ZNF525: variants seen among roughly 807,000 people sequenced by gnomAD.
The protein encoded by ZNF525 is zinc finger protein 525.
A neutral mutation model predicts 37.6 loss-of-function variants in ZNF525; 33 were observed. The observed-to-expected ratio is 0.88, with a 90% CI of 0.67 to 1.17. The LOEUF (loss-of-function observed/expected upper bound fraction) is 1.17, where lower values mean the gene tolerates loss of function less well. ZNF525 is among the 50% of genes most tolerant of loss of function. ZNF525 has a pLI of 0.00. For synonymous variants in ZNF525, 170 were observed against 182.3 expected, an observed-to-expected ratio of 0.93 and a Z score of 0.54; for missense variants, 449 against 543.1, an observed-to-expected ratio of 0.83 and a Z score of 1.72.
intron 1 of ZNF525, among the ~76,000 whole-genome samples, chr19:53,370,021 G>T (rs981734321): frequency 6.6e-6 from 1 of 151,372 alleles, no homozygotes; most frequent in Non-Finnish European, 1.5e-5. Flanking sequence ...ACCGCGCCCG[G>T]CCAAGAAGTT....
chr19:53,376,523 T>C (rs1403735399), intron 3 of ZNF525: 1 of 579,032 alleles, frequency 1.7e-6, no homozygotes, highest in Non-Finnish European at 3.0e-6. Context: ...TTCCTGCTTA[T>C]TGTGTTTAAT....
chr19:53,371,939 G>A (rs1181657814), intron 1 of ZNF525, among the ~76,000 whole-genome samples: 1 of 152,154 alleles, frequency 6.6e-6, no homozygotes, highest in East Asian at 1.9e-4. Flanking sequence ...GTGAGCCACT[G>A]CACCCAGCCT....
intron 3 of ZNF525, among the ~76,000 whole-genome samples, chr19:53,376,800 G>A (rs566367635): frequency 5.0e-4 from 76 of 152,212 alleles, no homozygotes; most frequent in Middle Eastern, 6.8e-3. Flanking sequence ...GTGAAACTCC[G>A]TCTCTACTAA....
intron 3 of ZNF525, among the ~76,000 whole-genome samples, chr19:53,378,327 C>T (rs148878127): frequency 6.6e-6 from 1 of 152,112 alleles, no homozygotes; most frequent in Non-Finnish European, 1.5e-5. Flanking sequence ...CGTGGTGGCA[C>T]ATGGCTGTTA....
Position 53,384,203 on chromosome 19 carries a change from G to T in ZNF525, c.*2184G>T. On this transcript the variant is annotated 3_prime_UTR_variant, in exon 4 of 4. Coordinates refer to ENST00000474037, the MANE Select transcript of ZNF525 (RefSeq NM_001348156.2). ...AAAGTGTTTATGTTAAGAGGACTGGGCTGTGTGGCATGGCTCACGCCTGTA... is the reference window on the plus strand; with the variant it reads ...AAAGTGTTTATGTTAAGAGGACTGGTCTGTGTGGCATGGCTCACGCCTGTA... 1 of 348,222 alleles carries T rather than the reference G, an allele frequency of 2.9e-6. No homozygotes were observed. 21.6% of individuals were successfully genotyped at this position (348,222 alleles called of 1,614,324 possible). A position where few individuals can be genotyped will look rare whatever the true frequency, so the allele number is the denominator to read the frequency against.
At position 53,383,327 on chromosome 19, in the gene ZNF525, A is replaced by G; in HGVS notation, c.*1308A>G. ...TACTGGAGAGAAACAAGCGTAATGA[A>G]TGTGGCGAGGTTTTCAATCAACAAG... On this transcript the variant is annotated 3_prime_UTR_variant, in exon 4 of 4. Transcript: ENST00000474037. 1 of 1,361,080 alleles carries G rather than the reference A, an allele frequency of 7.3e-7. No individual in the cohort carries two copies. Among genetic ancestry groups the G allele is most frequent in the Non-Finnish European group, 1.0e-6 (1 of 988,488 alleles). 84.3% of individuals were successfully genotyped at this position (1,361,080 alleles called of 1,614,324 possible). A position where few individuals can be genotyped will look rare whatever the true frequency, so the allele number is the denominator to read the frequency against.
Position 53,385,699 on chromosome 19 carries a change from C to G in ZNF525, c.*3680C>G, listed in dbSNP as rs1488550212. The G allele has an allele frequency of 6.5e-6, 1 of 154,476 alleles. No homozygotes were observed. The highest frequency in any genetic ancestry group is 2.4e-5 in the African/African-American group (1 of 41,418). The allele number at this position is 154,476 out of a possible 1,614,324, so 9.6% of individuals were successfully genotyped here. On this transcript the variant is annotated 3_prime_UTR_variant, in exon 4 of 4. Coordinates refer to ENST00000474037, the MANE Select transcript of ZNF525 (RefSeq NM_001348156.2). ...GAGATACTGTCTTAAAAAAAGAATA[C>G]TTGTGGTAACGTTTGGGTAGAGGAA...
Position 53,381,591 on chromosome 19 carries a change from C to T in ZNF525, c.1012C>T (p.Gln338Ter), listed in dbSNP as rs748390246. 7 of 1,127,602 alleles carry T rather than the reference C, an allele frequency of 6.2e-6. No homozygotes were observed. The highest frequency in any genetic ancestry group is 1.5e-5 in the African/African-American group (1 of 65,854). The allele number at this position is 1,127,602 out of a possible 1,614,324, so 69.8% of individuals were successfully genotyped here. A position where few individuals can be genotyped will look rare whatever the true frequency, so the allele number is the denominator to read the frequency against. The change falls in exon 4 of 4, where the codon CAG becomes TAG. Residue 338 changes from glutamine (Q) to a stop codon, truncating the protein, a stop_gained. Coordinates refer to ENST00000474037, the MANE Select transcript of ZNF525 (RefSeq NM_001348156.2). LOFTEE classifies it high-confidence loss of function. ...TAATGAGTGTGGCAAGACCTTTAGT[C>T]AGAAGTCATACCTTGCATGCCATCG... ...KCNECGKTFS[Q>*]KSYLACHRSI...
chr19:53,382,896 C>A lies in ZNF525; in HGVS notation c.*877C>A. On this transcript the variant is annotated 3_prime_UTR_variant, in exon 4 of 4. Coordinates refer to ENST00000474037, the MANE Select transcript of ZNF525 (RefSeq NM_001348156.2). Reference sequence around the variant, plus strand: ...AGGAGAATTCATACTAGAGAGAAACCTTACAAGTGTAATGAGTGTGGTAAG... The same window carrying A: ...AGGAGAATTCATACTAGAGAGAAACATTACAAGTGTAATGAGTGTGGTAAG... 3 of 1,433,298 alleles carry A rather than the reference C, an allele frequency of 2.1e-6. No individual in the cohort carries two copies. In the South Asian group the frequency reaches 3.4e-5, roughly 16 times the overall value. 88.8% of individuals were successfully genotyped at this position (1,433,298 alleles called of 1,614,324 possible). A position where few individuals can be genotyped will look rare whatever the true frequency, so the allele number is the denominator to read the frequency against.
intron 3 of ZNF525, chr19:53,376,437 ATTTC>A (rs1287152167): frequency 1.7e-6 from 1 of 590,536 alleles, no homozygotes; most frequent in Non-Finnish European, 3.0e-6. Context: ...TATTATCTGT[ATTTC>A]TTGATTTTTT....
Position 53,383,908 on chromosome 19 carries a change from T to C in ZNF525, c.*1889T>C. The C allele has an allele frequency of 1.5e-6, 1 of 657,026 alleles. No individual in the cohort carries two copies. The highest frequency in any genetic ancestry group is 2.8e-6 in the Non-Finnish European group (1 of 360,328). 40.7% of individuals were successfully genotyped at this position (657,026 alleles called of 1,614,324 possible). On this transcript the variant is annotated 3_prime_UTR_variant, in exon 4 of 4. Transcript: ENST00000474037. ...CAGGAGAGAAACCTCACAAGTGTGATGATCGTGGCAAAGCCTTTACTTCAC... is the reference window on the plus strand; with the variant it reads ...CAGGAGAGAAACCTCACAAGTGTGACGATCGTGGCAAAGCCTTTACTTCAC...
chr19:53,375,811 G>A lies in ZNF525; in HGVS notation c.57G>A (p.Gln19=). 1 of 1,613,924 alleles carries A rather than the reference G, an allele frequency of 6.2e-7. No individual in the cohort carries two copies. The highest frequency in any genetic ancestry group is 1.1e-5 in the South Asian group (1 of 91,082). The change falls in exon 3 of 4, where the codon CAG becomes CAA. Residue 19 remains glutamine (Q), a synonymous_variant. Transcript: ENST00000474037. ...GGGATGTGGCCATAGAATTCTCTCA[G>A]GAGGAGTGGAAATGCCTGGACCCTG... is the stretch of plus-strand genomic sequence containing the variant. ...TFRDVAIEFS[Q]EEWKCLDPAQ...
rs750332995 is a variant in ZNF525, at chr19:53,381,428, G to A, written c.849G>A (p.Met283Ile). Residue 283 changes from methionine (M) to isoleucine (I), a missense_variant, in exon 4 of 4, where the codon ATG becomes ATA. Met to Ile is a conservative substitution (Grantham distance 10, BLOSUM62 1). Transcript: ENST00000474037. ...CNECGKSFSQ[M>I]SSLTYHHRLH... The stretch of plus-strand genomic sequence containing the variant: ...AGTGTGGCAAGTCCTTCAGTCAGAT[G>A]TCATCCCTTACATATCATCATCGAC... The A allele has an allele frequency of 3.0e-5, 47 of 1,547,832 alleles. 1 individual carries two copies. The Admixed American group carries it at 7.5e-4, about 25-fold the overall frequency.
rs558560329 is a variant in ZNF525, at chr19:53,382,701, A to G, written c.*682A>G. On this transcript the variant is annotated 3_prime_UTR_variant, in exon 4 of 4. Transcript: ENST00000474037. ...AGTAATGCTACAACTATTGCAAATCATTGGAGAATCCATAATAAAGAGAGA... is the reference window on the plus strand; with the variant it reads ...AGTAATGCTACAACTATTGCAAATCGTTGGAGAATCCATAATAAAGAGAGA... 1.3e-6 allele frequency: 1 copy of G among 755,410 alleles called. No individual in the cohort carries two copies. Among genetic ancestry groups the G allele is most frequent in the South Asian group, 1.4e-5 (1 of 72,558 alleles). The allele number at this position is 755,410 out of a possible 1,614,324, so 46.8% of individuals were successfully genotyped here. A position where few individuals can be genotyped will look rare whatever the true frequency, so the allele number is the denominator to read the frequency against.
In ZNF525 at chr19:53,369,715, CTTTTTTTTTTTTTT is replaced by C. The variant is rs57431960; in HGVS notation, c.-67-2484_-67-2471del. ...CAACAGAACCTTGCAAAAGAAGTTT[CTTTTTTTTTTTTTT>C]TTTTTTTTTTTTTTTGAGACGGAGT... is the stretch of plus-strand genomic sequence containing the variant. On this transcript the variant is annotated intron_variant, in intron 1 of 3. Coordinates refer to ENST00000474037, the MANE Select transcript of ZNF525 (RefSeq NM_001348156.2). 1.6e-4 allele frequency among the ~76,000 whole-genome samples: 13 copies of C among 81,192 alleles called. No homozygotes were observed. In the East Asian group the frequency reaches 2.0e-3, roughly 12 times the overall value. The allele number at this position is 81,192 out of a possible 152,430, so 53.3% of individuals were successfully genotyped here. A position where few individuals can be genotyped will look rare whatever the true frequency, so the allele number is the denominator to read the frequency against.
Position 53,382,007 on chromosome 19 carries a change from C to G in ZNF525, c.1428C>G (p.Tyr476Ter), listed in dbSNP as rs115652532. 1,602 of 1,194,630 alleles carry G rather than the reference C, an allele frequency of 1.3e-3. 20 individuals carry two copies. The African/African-American group carries it at 0.022, about 16-fold the overall frequency. 74.0% of individuals were successfully genotyped at this position (1,194,630 alleles called of 1,614,324 possible). ...PCKCGECDKA[Y>*]SFK ...AGTGTGGAGAATGTGACAAGGCTTACAGTTTCAAATAAAATCTTGAAATAC... is the reference window on the plus strand; with the variant it reads ...AGTGTGGAGAATGTGACAAGGCTTAGAGTTTCAAATAAAATCTTGAAATAC... The change falls in exon 4 of 4, where the codon TAC (tyrosine) becomes TAG (stop). Residue 476 changes from tyrosine (Y) to a stop codon, truncating the protein, a stop_gained. Transcript: ENST00000474037. LOFTEE classifies it high-confidence loss of function.
rs1313502901 is a variant in ZNF525, at chr19:53,381,279, C to T, written c.700C>T (p.Gln234Ter). Residue 234 changes from glutamine to a stop codon, truncating the protein, a stop_gained, in exon 4 of 4, where the codon CAG becomes TAG. Coordinates refer to ENST00000474037, the MANE Select transcript of ZNF525 (RefSeq NM_001348156.2). LOFTEE classifies it high-confidence loss of function. ...FNYSSLLRKH[Q>*]IIHLGEKQYK... The stretch of plus-strand genomic sequence containing the variant: ...TTATAGCTCACTCTTAAGGAAACAT[C>T]AGATTATTCATCTAGGAGAGAAACA... The T allele has an allele frequency of 7.0e-7, 1 of 1,433,774 alleles. No individual in the cohort carries two copies. Among genetic ancestry groups the T allele is most frequent in the Non-Finnish European group, 9.8e-7 (1 of 1,015,864 alleles). 88.8% of individuals were successfully genotyped at this position (1,433,774 alleles called of 1,614,324 possible). A position where few individuals can be genotyped will look rare whatever the true frequency, so the allele number is the denominator to read the frequency against.
chr19:53,367,114 G>C (rs11667990), intron 1 of ZNF525, among the ~76,000 whole-genome samples: 15,129 of 152,112 alleles, frequency 0.099, 1,242 homozygotes, highest in African/African-American at 0.22. Flanking sequence ...AACAAGAACA[G>C]CTAAATACAC....
Position 53,382,664 on chromosome 19 carries a change from C to A in ZNF525, c.*645C>A. 1 of 723,668 alleles carries A rather than the reference C, an allele frequency of 1.4e-6. No homozygotes were observed. Among genetic ancestry groups the A allele is most frequent in the South Asian group, 1.4e-5 (1 of 72,640 alleles). The allele number at this position is 723,668 out of a possible 1,614,324, so 44.8% of individuals were successfully genotyped here. On this transcript the variant is annotated 3_prime_UTR_variant, in exon 4 of 4. Coordinates refer to ENST00000474037, the MANE Select transcript of ZNF525 (RefSeq NM_001348156.2). ...GAAACTTTACAAATGTAATGATTGT[C>A]ACCACGTCTTCAGTAATGCTACAAC...
Sources: allele counts gnomAD v4.1 joint callset (sites outside exome capture counted in the v4.1 genomes callset), GRCh38; gene constraint gnomAD v4.1.1; transcripts MANE v1.5; gene names NCBI Gene and HGNC (gene_info 2026-07-23, HGNC 2026-07-21).